Variants in PANX1 observed in about 807,000 individuals in gnomAD.
PANX1 encodes pannexin 1, also known as pannexin-1.
In PANX1, 30 loss-of-function variants were observed where a neutral mutation model predicts 38.7. That is an observed-to-expected ratio of 0.78 (90% confidence interval 0.58 to 1.05). The LOEUF is 1.05. Ranked by LOEUF, PANX1 falls within the 50% of genes least tolerant of loss-of-function variation. The pLI, the probability that PANX1 is intolerant of heterozygous loss-of-function variation, is 0.00. For missense variants in PANX1, 551 were observed against 517.2 expected, an observed-to-expected ratio of 1.07 and a Z score of -0.63; for synonymous variants, 230 against 212.2, an observed-to-expected ratio of 1.08 and a Z score of -0.73.
intron 2 of PANX1, among the ~76,000 whole-genome samples, chr11:94,158,865 G>A (rs1232229717): frequency 6.6e-6 from 1 of 152,160 alleles, no homozygotes; most frequent in African/African-American, 2.4e-5. Context: ...TGCCCATTCA[G>A]TATGATATCA....
At chr11:94,129,585 C>A in intron 1 of PANX1, 92 bp downstream of exon 1, 1 of 1,175,650 alleles carries the variant, frequency 8.5e-7, no homozygotes, top group Non-Finnish European at 1.2e-6. Context: ...TCTGGGTACG[C>A]CCAGCTGTGA....
At chr11:94,158,615 C>T (rs186739353) in intron 2 of PANX1, among the ~76,000 whole-genome samples, 3 of 152,284 alleles carry the variant, frequency 2.0e-5, no homozygotes, top group East Asian at 3.9e-4. Context: ...TGAGACTTTG[C>T]TGAAGTTGCT....
At chr11:94,145,854 A>T (rs544967399) in intron 1 of PANX1, among the ~76,000 whole-genome samples, 2 of 152,318 alleles carry the variant, frequency 1.3e-5, no homozygotes, top group African/African-American at 4.8e-5. Flanking sequence ...CAAACATGGG[A>T]TGGGGGAAGA....
At chr11:94,176,646 G>C (rs1947235566) in intron 2 of PANX1, among the ~76,000 whole-genome samples, 1 of 151,752 alleles carries the variant, frequency 6.6e-6, no homozygotes, top group East Asian at 1.9e-4. Flanking sequence ...GAAATGTTTT[G>C]AGGGGAGGGT....
chr11:94,155,350 CA>C (rs34215722), intron 2 of PANX1, among the ~76,000 whole-genome samples: 44,533 of 101,236 alleles, frequency 0.44, 7,293 homozygotes, highest in Admixed American at 0.5. Flanking sequence ...AACTCCATCT[CA>C]AAAAAAAAAA....
At chr11:94,137,272 CCAGCCTGGCGA>C (rs776718168) in intron 1 of PANX1, among the ~76,000 whole-genome samples, 71 of 152,148 alleles carry the variant, frequency 4.7e-4, no homozygotes, top group Non-Finnish European at 8.2e-4. Flanking sequence ...CCACTGTACT[CCAGCCTGGCGA>C]CAGAGCGAGA....
At chr11:94,166,762 C>T (rs1017514284) in intron 2 of PANX1, among the ~76,000 whole-genome samples, 1 of 152,098 alleles carries the variant, frequency 6.6e-6, no homozygotes, top group Admixed American at 6.5e-5. Context: ...AGACAGTATC[C>T]TCTGTACTCT....
In PANX1 at chr11:94,180,004, T is replaced by C. The variant is rs771621539; in HGVS notation, c.948T>C (p.Asp316=). 1.3e-6 allele frequency: 2 copies of C among 1,596,374 alleles called. No individual in the cohort carries two copies. Among genetic ancestry groups the C allele is most frequent in the East Asian group, 4.5e-5 (2 of 44,554 alleles). ...LKVYEILPTF[D]VLHFKSEGYN... ...TGTACGAAATCCTCCCCACTTTTGA[T>C]GTTCTGCATTTCAAATCTGAAGGGT... The change falls in exon 4 of 5, where the codon GAT becomes GAC. Residue 316 remains aspartate (D), a synonymous_variant. Coordinates refer to ENST00000227638, the MANE Select transcript of PANX1 (RefSeq NM_015368.4).
At chr11:94,176,687 G>A (rs953835090) in intron 2 of PANX1, among the ~76,000 whole-genome samples, 9 of 151,572 alleles carry the variant, frequency 5.9e-5, no homozygotes, top group Non-Finnish European at 1.2e-4. Context: ...TCATGGCCTC[G>A]TCCATTACAA....
chr11:94,180,890 T>TA lies in PANX1; in HGVS notation c.*24dup. The TA allele has an allele frequency of 7.1e-7, 1 of 1,414,490 alleles. No individual in the cohort carries two copies. 87.6% of individuals were successfully genotyped at this position (1,414,490 alleles called of 1,614,324 possible). ...GCTGATGATTTTTTTCCTTGAGCTGTAAATCTGTGACTTCTGCGACATGGG... is the reference window on the plus strand; with the variant it reads ...GCTGATGATTTTTTTCCTTGAGCTGTAAAATCTGTGACTTCTGCGACATGGG... On this transcript the variant is annotated 3_prime_UTR_variant, in exon 5 of 5. Coordinates refer to ENST00000227638, the MANE Select transcript of PANX1 (RefSeq NM_015368.4).
At chr11:94,132,382 A>T (rs1363822411) in intron 1 of PANX1, among the ~76,000 whole-genome samples, 1 of 152,218 alleles carries the variant, frequency 6.6e-6, no homozygotes, top group Middle Eastern at 3.2e-3. Flanking sequence ...CTTCTGACTC[A>T]TGAACAGTGA....
chr11:94,138,141 C>A (rs2134477663), intron 1 of PANX1, among the ~76,000 whole-genome samples: 1 of 152,110 alleles, frequency 6.6e-6, no homozygotes, highest in South Asian at 2.1e-4. Flanking sequence ...GGTTGGGTTG[C>A]CCTCTGGATA....
intron 2 of PANX1, among the ~76,000 whole-genome samples, chr11:94,155,834 C>T (rs1037403829): frequency 6.6e-6 from 1 of 152,116 alleles, no homozygotes; most frequent in Non-Finnish European, 1.5e-5. Flanking sequence ...GGGCTTTTCT[C>T]TTTATTTTCA....
In PANX1 at chr11:94,180,963, A is replaced by G. The variant is rs12800562; in HGVS notation, c.*94A>G. 69,943 of 751,264 alleles carry G rather than the reference A, an allele frequency of 0.093. 3,760 individuals carry two copies. Among genetic ancestry groups the G allele is most frequent in the East Asian group, 0.19 (7,518 of 39,344 alleles). The allele number at this position is 751,264 out of a possible 1,614,324, so 46.5% of individuals were successfully genotyped here. ...CTGTTGGTTTCACAGCTGGTTTGCAATAAATGGTTCTTGGTGGAGATACTG... is the reference window on the plus strand; with the variant it reads ...CTGTTGGTTTCACAGCTGGTTTGCAGTAAATGGTTCTTGGTGGAGATACTG... On this transcript the variant is annotated 3_prime_UTR_variant, in exon 5 of 5. Transcript: ENST00000227638.
Position 94,129,049 on chromosome 11 carries a change from G to A in PANX1, c.-264G>A. 2.9e-6 allele frequency: 1 copy of A among 341,082 alleles called. No individual in the cohort carries two copies. The highest frequency in any genetic ancestry group is 5.3e-6 in the Non-Finnish European group (1 of 188,268). 21.1% of individuals were successfully genotyped at this position (341,082 alleles called of 1,614,324 possible). A position where few individuals can be genotyped will look rare whatever the true frequency, so the allele number is the denominator to read the frequency against. On this transcript the variant is annotated 5_prime_UTR_variant, in exon 1 of 5. Coordinates refer to ENST00000227638, the MANE Select transcript of PANX1 (RefSeq NM_015368.4). ...GCGCGCGGCCCGGGGACTTGCACGGGCGTGCGGGGTGGAACCGCAGGAAGC... is the reference window on the plus strand; with the variant it reads ...GCGCGCGGCCCGGGGACTTGCACGGACGTGCGGGGTGGAACCGCAGGAAGC...
intron 1 of PANX1, among the ~76,000 whole-genome samples, chr11:94,152,238 C>T (rs1024713568): frequency 1.3e-5 from 2 of 152,088 alleles, no homozygotes; most frequent in African/African-American, 4.8e-5. Context: ...AACCAGACAC[C>T]CTCGCAAGTG....
chr11:94,159,835 G>T (rs1947000953), intron 2 of PANX1, among the ~76,000 whole-genome samples: 2 of 151,468 alleles, frequency 1.3e-5, no homozygotes, highest in African/African-American at 4.9e-5. Context: ...GTCAATTTTA[G>T]ATCTTTCCTG....
At chr11:94,163,510 A>G (rs1251625513) in intron 2 of PANX1, among the ~76,000 whole-genome samples, 1 of 152,128 alleles carries the variant, frequency 6.6e-6, no homozygotes, top group African/African-American at 2.4e-5. Flanking sequence ...CATTCTGTTG[A>G]TGTGATGTAT....
intron 1 of PANX1, among the ~76,000 whole-genome samples, chr11:94,139,736 G>A (rs1274184036): frequency 6.6e-6 from 1 of 152,176 alleles, no homozygotes; most frequent in Admixed American, 6.5e-5. Flanking sequence ...AGAGGGTTCC[G>A]AGGGCATCCA....
Sources: gnomAD v4.1 joint callset for allele counts (sites outside exome capture counted in the v4.1 genomes callset) on GRCh38, gnomAD v4.1.1 for gene constraint, MANE v1.5 for transcripts, NCBI Gene and HGNC (gene_info 2026-07-23, HGNC 2026-07-21) for gene names.